The following GRM8 variants were observed in gnomAD, a reference collection of about 807,000 sequenced individuals.
GRM8 encodes glutamate metabotropic receptor 8, also known as metabotropic glutamate receptor 8.
Under a neutral mutation model 87.2 loss-of-function variants are expected in GRM8, and 47 were observed. The observed-to-expected ratio is 0.54, with a 90% CI of 0.43 to 0.69. The LOEUF (loss-of-function observed/expected upper bound fraction) is 0.69. GRM8 is among the 30% of genes least tolerant of loss of function. GRM8 has a pLI of 0.00. For synonymous variants in GRM8, 396 were observed against 404.5 expected, an observed-to-expected ratio of 0.98 and a Z score of 0.25; for missense variants, 1,019 against 1,139.2, an observed-to-expected ratio of 0.89 and a Z score of 1.52.
At chr7:127,117,788 A>G (rs73720666) in intron 2 of GRM8, among the ~76,000 whole-genome samples, 1,669 of 152,282 alleles carry the variant, frequency 0.011, 27 homozygotes, top group African/African-American at 0.037. Context: ...TTACTGTGCA[A>G]TCACTGCTGT....
At chr7:127,203,062 G>C (rs141576310) in intron 2 of GRM8, among the ~76,000 whole-genome samples, 1 of 152,120 alleles carries the variant, frequency 6.6e-6, no homozygotes, top group African/African-American at 2.4e-5. Flanking sequence ...CATGAATTAT[G>C]TTTCATGAGA....
At chr7:127,107,383 G>T (rs1224491347) in intron 2 of GRM8, among the ~76,000 whole-genome samples, 1 of 152,158 alleles carries the variant, frequency 6.6e-6, no homozygotes, top group Non-Finnish European at 1.5e-5. Flanking sequence ...AAATTCTTTA[G>T]AAGAGACTAT....
intron 6 of GRM8, among the ~76,000 whole-genome samples, chr7:126,867,057 C>T (rs781175722): frequency 4.6e-5 from 7 of 152,144 alleles, no homozygotes; most frequent in Admixed American, 2.6e-4. Flanking sequence ...CATCAGCCTT[C>T]CTGATACTTC....
intron 3 of GRM8, among the ~76,000 whole-genome samples, chr7:126,932,533 C>T (rs1805866992): frequency 6.6e-6 from 1 of 152,122 alleles, no homozygotes; most frequent in Non-Finnish European, 1.5e-5. Context: ...TTTATAAAAG[C>T]ATGGTGCTCA....
At chr7:126,985,034 C>A (rs532890765) in intron 3 of GRM8, among the ~76,000 whole-genome samples, 2 of 152,030 alleles carry the variant, frequency 1.3e-5, no homozygotes, top group Admixed American at 6.6e-5. Context: ...ACACACACAA[C>A]ACACACACAC....
chr7:126,657,008 TG>T (rs1804603259), intron 7 of GRM8, among the ~76,000 whole-genome samples: 1 of 152,254 alleles, frequency 6.6e-6, no homozygotes, highest in Non-Finnish European at 1.5e-5. Flanking sequence ...GATTTAGTAA[TG>T]TTCGTACAGC....
rs75931999 is a variant in GRM8 at position 126,454,493 on chromosome 7, T to C, written c.2431-8121A>G. Among the ~76,000 whole-genome samples, 492 of 143,926 alleles carry C rather than the reference T, an allele frequency of 3.4e-3. 3 individuals carry two copies. The highest frequency in any genetic ancestry group is 0.012 in the African/African-American group (465 of 37,460). The allele number at this position is 143,926 out of a possible 152,430, so 94.4% of individuals were successfully genotyped here. On this transcript the variant is annotated intron_variant, in intron 9 of 10. Transcript: ENST00000339582. ...GGTGCTTTTGCGGAGGCACATGATG[T>C]TTTAAAAGTGCTATTTTTTTTTTTC...
chr7:126,540,387 T>A (rs542227546), intron 8 of GRM8, among the ~76,000 whole-genome samples: 274 of 152,258 alleles, frequency 1.8e-3, no homozygotes, highest in Non-Finnish European at 3.1e-3. Context: ...TGACAATTCC[T>A]TAGAAAGCTA....
intron 6 of GRM8, among the ~76,000 whole-genome samples, chr7:126,865,198 T>G (rs1798484429): frequency 6.6e-6 from 1 of 152,234 alleles, no homozygotes; most frequent in Non-Finnish European, 1.5e-5. Context: ...GTTTCTTCTT[T>G]GTTTATAAAA....
chr7:127,236,896 C>T (rs889996966), intron 2 of GRM8, among the ~76,000 whole-genome samples: 1 of 152,090 alleles, frequency 6.6e-6, no homozygotes, highest in Non-Finnish European at 1.5e-5. Flanking sequence ...TGCCCCTGCC[C>T]ACATGGTGCT....
At chr7:126,816,144 G>A (rs1200600560) in intron 6 of GRM8, among the ~76,000 whole-genome samples, 1 of 151,964 alleles carries the variant, frequency 6.6e-6, no homozygotes, top group Admixed American at 6.6e-5. Flanking sequence ...TCAACTCAGG[G>A]CCAAAAGAAA....
chr7:126,493,033 T>C (rs1204936153), intron 9 of GRM8, among the ~76,000 whole-genome samples: 1 of 152,036 alleles, frequency 6.6e-6, no homozygotes, highest in South Asian at 2.1e-4. Context: ...TTGGATAAAG[T>C]TGAGAATTTT....
rs765654235 is a variant in GRM8 at position 126,609,507 on chromosome 7, AT to A, written c.1358-10del. ...AGGAGTGCCAGCACTGCCTATAAAG[AT>A]TTAGAAAACAATGTTAATAAAGTTT... is the stretch of plus-strand genomic sequence containing the variant. On this transcript the variant is annotated splice_polypyrimidine_tract_variant and intron_variant, in intron 7 of 10. Transcript: ENST00000339582. The A allele has an allele frequency of 6.2e-7, 1 of 1,604,010 alleles. No individual in the cohort carries two copies. The highest frequency in any genetic ancestry group is 1.3e-5 in the African/African-American group (1 of 74,552).
At chr7:127,176,742 G>A (rs922588431) in intron 2 of GRM8, among the ~76,000 whole-genome samples, 4 of 152,198 alleles carry the variant, frequency 2.6e-5, no homozygotes, top group African/African-American at 9.6e-5. Flanking sequence ...ACCCTCAATG[G>A]AGAAGCTGAA....
intron 9 of GRM8, among the ~76,000 whole-genome samples, chr7:126,523,713 G>A (rs941388033): frequency 2.6e-5 from 4 of 151,988 alleles, no homozygotes; most frequent in African/African-American, 9.7e-5. Context: ...GGCCAGGCTG[G>A]TCTAGAACTC....
chr7:126,546,540 A>G (rs1189392569), intron 8 of GRM8, among the ~76,000 whole-genome samples: 1 of 152,226 alleles, frequency 6.6e-6, no homozygotes, highest in Admixed American at 6.5e-5. Context: ...GGCCTTAGAC[A>G]GGAGCAGGGG....
chr7:127,062,834 A>G (rs1276019724), intron 3 of GRM8, among the ~76,000 whole-genome samples: 2 of 152,172 alleles, frequency 1.3e-5, no homozygotes, highest in Non-Finnish European at 2.9e-5. Flanking sequence ...GGTTGCTTTT[A>G]TATCTGTGGG....
At chr7:126,669,437 A>T (rs995708624) in intron 7 of GRM8, among the ~76,000 whole-genome samples, 1 of 152,210 alleles carries the variant, frequency 6.6e-6, no homozygotes, top group Non-Finnish European at 1.5e-5. Flanking sequence ...GGGAAGATAA[A>T]ATCTATGGTA....
chr7:127,228,763 A>G (rs1177306258), intron 2 of GRM8: 1 of 152,198 alleles, frequency 6.6e-6, no homozygotes, highest in Non-Finnish European at 1.5e-5. Flanking sequence ...AAAACCATGG[A>G]ACTCTACTAC....
Sources: gnomAD v4.1 joint callset for allele counts (sites outside exome capture counted in the v4.1 genomes callset) on GRCh38, gnomAD v4.1.1 for gene constraint, MANE v1.5 for transcripts, NCBI Gene and HGNC (gene_info 2026-07-23, HGNC 2026-07-21) for gene names.